The following CYTH4 variants were observed in gnomAD, a reference collection of about 807,000 sequenced individuals.
CYTH4 encodes the protein cytohesin-4.
CYTH4 carries 22 observed loss-of-function variants against 57.5 expected under a neutral mutation model. The observed-to-expected ratio is 0.38, with a 90% confidence interval of 0.27 to 0.55. The LOEUF is 0.55. Ranked by LOEUF, CYTH4 falls within the 20% of genes least tolerant of loss-of-function variation. The pLI is 0.74. For missense variants in CYTH4, 420 were observed against 535.6 expected (o/e 0.78, Z 2.13); for synonymous variants, 186 against 206.5 (o/e 0.90, Z 0.85).
At position 37,314,414 on chromosome 22, in the gene CYTH4, G is replaced by A. The variant is rs1601714952; in HGVS notation, c.*903G>A. 3 of 398,588 alleles carry A rather than the reference G, an allele frequency of 7.5e-6. No homozygotes were observed. The highest frequency in any genetic ancestry group is 4.4e-5 in the Admixed American group (1 of 22,718). 24.7% of individuals were successfully genotyped at this position (398,588 alleles called of 1,614,324 possible). A position where few individuals can be genotyped will look rare whatever the true frequency, so the allele number is the denominator to read the frequency against. ...GACAGATGGGACTCAAGCAGGATGG[G>A]TGCTATATCCAAGAAGCCAAGAAGG... On this transcript the variant is annotated 3_prime_UTR_variant, in exon 13 of 13. Coordinates refer to ENST00000248901, the MANE Select transcript of CYTH4 (RefSeq NM_013385.5).
chr22:37,290,664 A>G (rs1419558922), intron 1 of CYTH4, among the ~76,000 whole-genome samples: 1 of 152,088 alleles, frequency 6.6e-6, no homozygotes, highest in Non-Finnish European at 1.5e-5. Context: ...GCCCACCACC[A>G]TGCCTGGCTA....
rs1324935247 is a variant in CYTH4, at chr22:37,295,331, T to G, written c.167+607T>G. Reference sequence around the variant, plus strand: ...TTTCCCATCCTGCGCCCGCCACTCCTTAGGTCTCCACCTGTCCAGCCTCCT... The same window carrying G: ...TTTCCCATCCTGCGCCCGCCACTCCGTAGGTCTCCACCTGTCCAGCCTCCT... On this transcript the variant is annotated intron_variant, in intron 3 of 12. Coordinates refer to ENST00000248901, the MANE Select transcript of CYTH4 (RefSeq NM_013385.5). This position sits in a 1 kb window ranked among gnomAD's most constrained non-coding sequence, Gnocchi z 4.1. Among the ~76,000 whole-genome samples, 3 of 149,802 alleles carry G rather than the reference T, an allele frequency of 2.0e-5. No individual in the cohort carries two copies. The highest frequency in any genetic ancestry group is 4.5e-5 in the Non-Finnish European group (3 of 67,312).
At chr22:37,300,183 T>C (rs1204785152) in intron 6 of CYTH4, 1 of 717,502 alleles carries the variant, frequency 1.4e-6, no homozygotes, top group South Asian at 1.5e-5. Context: ...ATCTGGGCTT[T>C]GGAGGGTGAG....
rs894288949 is a variant in CYTH4 at position 37,313,899 on chromosome 22, G to A, written c.*388G>A. 6.9e-5 allele frequency: 18 copies of A among 261,244 alleles called. No individual in the cohort carries two copies. Among genetic ancestry groups the A allele is most frequent in the Non-Finnish European group, 1.3e-4 (18 of 136,148 alleles). 16.2% of individuals were successfully genotyped at this position (261,244 alleles called of 1,614,324 possible). Reference sequence around the variant, plus strand: ...GATGCTGTCAGCCCTCAACGTAGGAGGGGCCGTGGGGTCCCTAAGTGATTC... The same window carrying A: ...GATGCTGTCAGCCCTCAACGTAGGAAGGGCCGTGGGGTCCCTAAGTGATTC... On this transcript the variant is annotated 3_prime_UTR_variant, in exon 13 of 13. Transcript: ENST00000248901.
At chr22:37,288,496 G>C (rs1928632859) in intron 1 of CYTH4, among the ~76,000 whole-genome samples, 1 of 152,020 alleles carries the variant, frequency 6.6e-6, no homozygotes, top group African/African-American at 2.4e-5. Context: ...TGAGGCAGGA[G>C]AATCGCTTGA....
intron 1 of CYTH4, among the ~76,000 whole-genome samples, chr22:37,286,746 C>T (rs1404912564): frequency 6.6e-6 from 1 of 151,990 alleles, no homozygotes; most frequent in Non-Finnish European, 1.5e-5. Context: ...AGGCAGAGCA[C>T]GGAGCTGGGA....
chr22:37,285,956 C>T (rs1172537026), intron 1 of CYTH4, among the ~76,000 whole-genome samples: 1 of 152,094 alleles, frequency 6.6e-6, no homozygotes, highest in African/African-American at 2.4e-5. Flanking sequence ...ACTGAGGATT[C>T]ACGAACACAC....
intron 5 of CYTH4, 101 bp downstream of exon 5, chr22:37,297,783 TC>T (rs1929031238): frequency 2.0e-6 from 2 of 1,001,448 alleles, no homozygotes; most frequent in Non-Finnish European, 3.1e-6. Flanking sequence ...GTTAGCAAAG[TC>T]ATCACTCCTA....
intron 4 of CYTH4, 66 bp from the exon 5 acceptor site, chr22:37,297,498 T>A (rs1436802831): frequency 7.0e-6 from 10 of 1,420,336 alleles, no homozygotes; most frequent in Non-Finnish European, 9.9e-6. Context: ...AGCTCCTTCC[T>A]CCCTTCCCCC....
rs751645635 is a variant in CYTH4, at chr22:37,311,100, G to T, written c.885+36G>T. On this transcript the variant is annotated intron_variant, in intron 10 of 12. Transcript: ENST00000248901. The surrounding 1 kb of genome is among the most constrained non-coding windows in gnomAD (Gnocchi z 4.4). ...TTCTCCTGGGCCTTCCCCTGCCCCC[G>T]CCTCTCCCCGCACAACCCACTTCCC... is the stretch of plus-strand genomic sequence containing the variant. 6.2e-7 allele frequency: 1 copy of T among 1,606,850 alleles called. No homozygotes were observed. Among genetic ancestry groups the T allele is most frequent in the Non-Finnish European group, 8.5e-7 (1 of 1,173,896 alleles).
chr22:37,290,499 G>GTTTGC (rs1928712083), intron 1 of CYTH4, among the ~76,000 whole-genome samples: 1 of 151,818 alleles, frequency 6.6e-6, no homozygotes, highest in Admixed American at 6.6e-5. Context: ...GGGTTTTTTT[G>GTTTGC]TTTGTTTTGT....
At position 37,299,219 on chromosome 22, in the gene CYTH4, C is replaced by T; in HGVS notation, c.354-7C>T. The T allele has an allele frequency of 3.1e-6, 5 of 1,596,066 alleles. 1 individual carries two copies. In the South Asian group the frequency reaches 3.3e-5, roughly 11 times the overall value. On this transcript the variant is annotated splice_region_variant and splice_polypyrimidine_tract_variant and intron_variant, in intron 5 of 12. Transcript: ENST00000248901. ...TGTCCCACCCTCCCTTCCGCCTCCTCCCCCAGGGATCCCATCAACCTGCAG... is the reference window on the plus strand; with the variant it reads ...TGTCCCACCCTCCCTTCCGCCTCCTTCCCCAGGGATCCCATCAACCTGCAG...
intron 5 of CYTH4, 38 bp from the exon 6 acceptor site, chr22:37,299,188 C>T (rs1356050037): frequency 6.5e-7 from 1 of 1,542,394 alleles, no homozygotes; most frequent in African/African-American, 1.4e-5. Flanking sequence ...AGCAAGTATC[C>T]AAGTGTGTCC....
chr22:37,301,346 T>C (rs1215199946), intron 7 of CYTH4, among the ~76,000 whole-genome samples: 4 of 152,086 alleles, frequency 2.6e-5, no homozygotes, highest in Non-Finnish European at 4.4e-5. Context: ...GAATGGGGTT[T>C]TGAAGGATGA....
At chr22:37,305,771 T>C (rs1262964128) in intron 8 of CYTH4, among the ~76,000 whole-genome samples, 1 of 152,138 alleles carries the variant, frequency 6.6e-6, no homozygotes, top group African/African-American at 2.4e-5. Context: ...TGCTTTTAAG[T>C]GGCCCAATTT....
At position 37,313,613 on chromosome 22, in the gene CYTH4, GA is replaced by G; in HGVS notation, c.*103del. ...CCCCAGTGCACTCTTTTGGGCCACA[GA>G]CATCATTGCTGTTCCCCGTTACCTC... On this transcript the variant is annotated 3_prime_UTR_variant, in exon 13 of 13. Coordinates refer to ENST00000248901, the MANE Select transcript of CYTH4 (RefSeq NM_013385.5). 7 of 1,079,908 alleles carry G rather than the reference GA, an allele frequency of 6.5e-6. No homozygotes were observed. Among genetic ancestry groups the G allele is most frequent in the Non-Finnish European group, 9.9e-6 (7 of 709,362 alleles). The allele number at this position is 1,079,908 out of a possible 1,614,324, so 66.9% of individuals were successfully genotyped here.
At chr22:37,313,129 A>G (rs1267866608) in intron 12 of CYTH4, among the ~76,000 whole-genome samples, 2 of 152,232 alleles carry the variant, frequency 1.3e-5, no homozygotes, top group Non-Finnish European at 2.9e-5. Context: ...AGCTCTTCCC[A>G]TCACCTTCCG....
intron 2 of CYTH4, 142 bp downstream of exon 2, chr22:37,292,845 G>A (rs1928800884): frequency 2.7e-6 from 2 of 737,062 alleles, no homozygotes; most frequent in Non-Finnish European, 4.4e-6. Flanking sequence ...CCAGCCCCAG[G>A]AGCAGGGAGA....
At chr22:37,308,089 G>A (rs1477481113) in intron 8 of CYTH4, among the ~76,000 whole-genome samples, 7 of 152,222 alleles carry the variant, frequency 4.6e-5, no homozygotes, top group Non-Finnish European at 8.8e-5. Context: ...GCTTAGGAGA[G>A]GGGCTTTTGA....
Sources: gnomAD v4.1 joint callset for allele counts (sites outside exome capture counted in the v4.1 genomes callset) on GRCh38, gnomAD v4.1.1 for gene constraint, Gnocchi (gnomAD v3.1) non-coding constraint, MANE v1.5 for transcripts, NCBI Gene and HGNC (gene_info 2026-07-23, HGNC 2026-07-21) for gene names.